EXTL1: variants seen among roughly 807,000 people sequenced by gnomAD.
EXTL1 encodes exostosin like glycosyltransferase 1.
EXTL1 carries 43 observed loss-of-function variants against 64.6 expected under a neutral mutation model. The ratio of observed to expected loss-of-function variants is 0.67; its 90% confidence interval spans 0.52 to 0.86. The LOEUF is 0.86. Among genes scored for constraint, EXTL1 ranks in the 40% least tolerant of loss-of-function variants. EXTL1 has a pLI of 0.00. For missense variants in EXTL1, 766 were observed against 879.0 expected (o/e 0.87, Z 1.62); for synonymous variants, 352 against 360.5 (o/e 0.98, Z 0.27).
Position 26,033,791 on chromosome 1 carries a change from GGGCTACACTGCTGAGAGGACCAACGAA to G in EXTL1, c.1615_1641del (p.Gly539_Glu547del), listed in dbSNP as rs770925424. 30 of 1,614,026 alleles carry G rather than the reference GGGCTACACTGCTGAGAGGACCAACGAA, an allele frequency of 1.9e-5. No homozygotes were observed. Among genetic ancestry groups the G allele is most frequent in the Non-Finnish European group, 2.5e-5 (29 of 1,180,020 alleles). On this transcript the variant is annotated inframe_deletion, in exon 9 of 11. Transcript: ENST00000374280. This position sits in a 1 kb window ranked among gnomAD's most constrained non-coding sequence, Gnocchi z 5.1. ...TCTGGGACGAGGCCCATGGTGGCTG[GGGCTACACTGCTGAGAGGACCAACGAA>G]TTCTCCATGGTTCTCACCACAGCCG... is the stretch of plus-strand genomic sequence containing the variant.
chr1:26,031,117 T>C lies in EXTL1; in HGVS notation c.1102-15T>C, dbSNP rs2124410160. On this transcript the variant is annotated splice_polypyrimidine_tract_variant and intron_variant, in intron 4 of 10. Transcript: ENST00000374280. ...CACAGGCCACTCGCTCTGCTCAGCT[T>C]CTCTCTCATTTTAGGTTATTCAGGA... is the stretch of plus-strand genomic sequence containing the variant. 1 of 1,613,828 alleles carries C rather than the reference T, an allele frequency of 6.2e-7. No homozygotes were observed. The highest frequency in any genetic ancestry group is 8.5e-7 in the Non-Finnish European group (1 of 1,179,890).
chr1:26,034,759 T>G lies in EXTL1; in HGVS notation c.1680-77T>G, dbSNP rs1569678399. 1 of 1,443,080 alleles carries G rather than the reference T, an allele frequency of 6.9e-7. No individual in the cohort carries two copies. Among genetic ancestry groups the G allele is most frequent in the Non-Finnish European group, 9.5e-7 (1 of 1,048,148 alleles). 89.4% of individuals were successfully genotyped at this position (1,443,080 alleles called of 1,614,324 possible). Reference sequence around the variant, plus strand: ...TGGGGATGGGGGTCAAAGGGAGAGGTGAGGTCAGGAGGGAGGAGAATGGGG... The same window carrying G: ...TGGGGATGGGGGTCAAAGGGAGAGGGGAGGTCAGGAGGGAGGAGAATGGGG... On this transcript the variant is annotated intron_variant, in intron 9 of 10. Coordinates refer to ENST00000374280, the MANE Select transcript of EXTL1 (RefSeq NM_004455.3). The surrounding 1 kb of genome is among the most constrained non-coding windows in gnomAD (Gnocchi z 4.6).
In EXTL1 at chr1:26,033,428, C is replaced by T; in HGVS notation, c.1518+113C>T. The T allele has an allele frequency of 1.1e-6, 1 of 935,752 alleles. No homozygotes were observed. Among genetic ancestry groups the T allele is most frequent in the Non-Finnish European group, 1.7e-6 (1 of 588,936 alleles). The allele number at this position is 935,752 out of a possible 1,614,324, so 58.0% of individuals were successfully genotyped here. On this transcript the variant is annotated intron_variant, in intron 8 of 10. Coordinates refer to ENST00000374280, the MANE Select transcript of EXTL1 (RefSeq NM_004455.3). This position sits in a 1 kb window ranked among gnomAD's most constrained non-coding sequence, Gnocchi z 5.1. ...GACCCCAGGTCATGAGGTCCAGCCT[C>T]TTGCATTTGAAACCACCCCAGCAAG...
chr1:26,031,379 C>G, intron 5 of EXTL1, 81 bp from the exon 6 acceptor site: 4 of 1,411,938 alleles, frequency 2.8e-6, no homozygotes, highest in Non-Finnish European at 3.9e-6. Flanking sequence ...TTTTCCTGGC[C>G]CCCGGGGATT....
intron 1 of EXTL1, among the ~76,000 whole-genome samples, chr1:26,024,194 C>T (rs1453478479): frequency 1.3e-5 from 2 of 152,140 alleles, no homozygotes; most frequent in African/African-American, 2.4e-5. Context: ...GGGGGTGATG[C>T]GCCTCAGGTG....
Position 26,033,256 on chromosome 1 carries a change from A to C in EXTL1, c.1459A>C (p.Thr487Pro). Residue 487 changes from threonine to proline, a missense_variant, in exon 8 of 11, where the codon ACC (threonine) becomes CCC (proline). By Grantham distance (38) the Thr-to-Pro change is conservative (BLOSUM62 -1). This residue lies in a region of EXTL1 where 571 missense variants were observed against 647.6 expected (regional missense o/e 0.88). Coordinates refer to ENST00000374280, the MANE Select transcript of EXTL1 (RefSeq NM_004455.3). This position sits in a 1 kb window ranked among gnomAD's most constrained non-coding sequence, Gnocchi z 5.1. The stretch of plus-strand genomic sequence containing the variant: ...TAGTGATCGCTTCTACCCATATAGC[A>C]CCATCAGAACAGATGCCATCCTCAG... Reference protein sequence around the residue: ...KVSDRFYPYSTIRTDAILSLD... With the variant: ...KVSDRFYPYSPIRTDAILSLD... 3 of 1,613,890 alleles carry C rather than the reference A, an allele frequency of 1.9e-6. No individual in the cohort carries two copies.
chr1:26,022,778 AG>A lies in EXTL1; in HGVS notation c.134del (p.Gly45AlafsTer180). The stretch of plus-strand genomic sequence containing the variant: ...CCAGACCTCGGCCCGGGGCTTCCCA[AG>A]GCTGGCCCCGCTGGCTGGATGCAGA... ...PPRPRPGASQ[G>X]WPRWLDAELL... On this transcript the variant is annotated frameshift_variant, in exon 1 of 11. Transcript: ENST00000374280. LOFTEE classifies it high-confidence loss of function. 1.2e-6 allele frequency: 2 copies of A among 1,613,922 alleles called. No homozygotes were observed. The highest frequency in any genetic ancestry group is 1.7e-6 in the Non-Finnish European group (2 of 1,179,942).
intron 2 of EXTL1, 122 bp from the exon 3 acceptor site, chr1:26,029,477 TC>T: frequency 1.4e-6 from 1 of 708,976 alleles, no homozygotes; most frequent in Non-Finnish European, 2.5e-6. Context: ...CCCTGAAAAA[TC>T]CCATGTTCCT....
At position 26,035,444 on chromosome 1, in the gene EXTL1, C is replaced by A; in HGVS notation, c.*97C>A. The A allele has an allele frequency of 8.5e-7, 1 of 1,171,460 alleles. No homozygotes were observed. Among genetic ancestry groups the A allele is most frequent in the Non-Finnish European group, 1.2e-6 (1 of 845,880 alleles). The allele number at this position is 1,171,460 out of a possible 1,614,324, so 72.6% of individuals were successfully genotyped here. A position where few individuals can be genotyped will look rare whatever the true frequency, so the allele number is the denominator to read the frequency against. ...CTCCGCTCTTGGGACACCGGAGAAC[C>A]TATCATGTCAGCCAGCGGGCCCACA... On this transcript the variant is annotated 3_prime_UTR_variant, in exon 11 of 11. Coordinates refer to ENST00000374280, the MANE Select transcript of EXTL1 (RefSeq NM_004455.3). This position sits in a 1 kb window ranked among gnomAD's most constrained non-coding sequence, Gnocchi z 5.3.
chr1:26,034,284 G>A lies in EXTL1; in HGVS notation c.1679+428G>A, dbSNP rs2050316267. Among the ~76,000 whole-genome samples, 1 of 152,148 alleles carries A rather than the reference G, an allele frequency of 6.6e-6. No homozygotes were observed. Among genetic ancestry groups the A allele is most frequent in the African/African-American group, 2.4e-5 (1 of 41,416 alleles). On this transcript the variant is annotated intron_variant, in intron 9 of 10. Coordinates refer to ENST00000374280, the MANE Select transcript of EXTL1 (RefSeq NM_004455.3). This position sits in a 1 kb window ranked among gnomAD's most constrained non-coding sequence, Gnocchi z 4.6. ...GCTGCCTGAAGTGCTCCGGTCTTAG[G>A]GCAGAGACTGAATTCTGTAAGACCT...
In EXTL1 at chr1:26,035,260, G is replaced by C. The variant is rs1002560149; in HGVS notation, c.1944G>C (p.Leu648=). The C allele has an allele frequency of 6.2e-7, 1 of 1,613,684 alleles. No homozygotes were observed. Among genetic ancestry groups the C allele is most frequent in the Non-Finnish European group, 8.5e-7 (1 of 1,179,946 alleles). Residue 648 remains leucine (L), a synonymous_variant, in exon 11 of 11, where the codon CTG becomes CTC. Coordinates refer to ENST00000374280, the MANE Select transcript of EXTL1 (RefSeq NM_004455.3). The surrounding 1 kb of genome is among the most constrained non-coding windows in gnomAD (Gnocchi z 5.3). ...IAAAFGHMPL[L]SSRLRLDPVL... Reference sequence around the variant, plus strand: ...CAGCGTTCGGCCACATGCCCTTGCTGTCCTCTCGTCTGCGTCTGGACCCGG... The same window carrying C: ...CAGCGTTCGGCCACATGCCCTTGCTCTCCTCTCGTCTGCGTCTGGACCCGG...
Position 26,031,271 on chromosome 1 carries a change from C to T in EXTL1, c.1234+7C>T, listed in dbSNP as rs768055984. On this transcript the variant is annotated splice_region_variant and intron_variant, in intron 5 of 10. Coordinates refer to ENST00000374280, the MANE Select transcript of EXTL1 (RefSeq NM_004455.3). ...TTCTACTACCTGCAACAGGGTATGC[C>T]CTGGGGATGGGACAACCTGAAGTCC... The T allele has an allele frequency of 3.1e-6, 5 of 1,612,702 alleles. No homozygotes were observed. The South Asian group carries it at 4.4e-5, about 14-fold the overall frequency.
rs1217242780 is a variant in EXTL1 at position 26,033,183 on chromosome 1, G to A, written c.1432-46G>A. 1 of 1,334,100 alleles carries A rather than the reference G, an allele frequency of 7.5e-7. No individual in the cohort carries two copies. The highest frequency in any genetic ancestry group is 1.4e-5 in the African/African-American group (1 of 69,344). The allele number at this position is 1,334,100 out of a possible 1,614,324, so 82.6% of individuals were successfully genotyped here. A position where few individuals can be genotyped will look rare whatever the true frequency, so the allele number is the denominator to read the frequency against. ...GGCTCCTACTTATTGGATGGGGGTG[G>A]GGGGAATGTTCCAATGGCTGAGTTC... On this transcript the variant is annotated intron_variant, in intron 7 of 10. Transcript: ENST00000374280. The surrounding 1 kb of genome is among the most constrained non-coding windows in gnomAD (Gnocchi z 5.1).
At chr1:26,029,425 C>A in intron 2 of EXTL1, 139 bp downstream of exon 2, 1 of 763,142 alleles carries the variant, frequency 1.3e-6, no homozygotes, top group Non-Finnish European at 2.3e-6. Context: ...TGCCTGTGTC[C>A]CCATTCACTG....
rs1422592891 is a variant in EXTL1, at chr1:26,021,816, T to C, written c.-831T>C. On this transcript the variant is annotated 5_prime_UTR_variant, in exon 1 of 11. Coordinates refer to ENST00000374280, the MANE Select transcript of EXTL1 (RefSeq NM_004455.3). ...GGGATGGGAGGAGATACCATAGGGT[T>C]TGGGGGGCTTGGCACAGCGGCCCTG... 1 of 152,278 alleles carries C rather than the reference T, an allele frequency of 6.6e-6. No homozygotes were observed. The highest frequency in any genetic ancestry group is 1.9e-4 in the East Asian group (1 of 5,178). 9.4% of individuals were successfully genotyped at this position (152,278 alleles called of 1,614,324 possible). A position where few individuals can be genotyped will look rare whatever the true frequency, so the allele number is the denominator to read the frequency against.
chr1:26,029,281 C>A lies in EXTL1; in HGVS notation c.868C>A (p.Leu290Met), dbSNP rs774564275. 1.2e-6 allele frequency: 2 copies of A among 1,613,314 alleles called. No homozygotes were observed. The highest frequency in any genetic ancestry group is 1.7e-6 in the Non-Finnish European group (2 of 1,179,470). The change falls in exon 2 of 11, where the codon CTG becomes ATG. Residue 290 changes from leucine (L) to methionine (M), a missense_variant. Around this residue, in one of 3 missense-constraint regions of EXTL1, gnomAD observed 571 missense variants for 647.6 expected, o/e 0.88. Coordinates refer to ENST00000374280, the MANE Select transcript of EXTL1 (RefSeq NM_004455.3). ...PEAASRFLQA[L>M]QAGCIPVLLS... ...GGCTGCCTCGCGCTTCCTCCAAGCC[C>A]TGCAGGTACAACCCCAATTTGAGCA...
Position 26,035,180 on chromosome 1 carries a change from G to A in EXTL1, c.1864G>A (p.Gly622Arg). The A allele has an allele frequency of 6.2e-7, 1 of 1,603,320 alleles. No homozygotes were observed. The highest frequency in any genetic ancestry group is 1.1e-5 in the South Asian group (1 of 90,868). Residue 622 changes from glycine to arginine, a missense_variant, in exon 11 of 11, where the codon GGG becomes AGG. By Grantham distance (125) the Gly-to-Arg change is moderately radical (BLOSUM62 -2). Around this residue, in one of 3 missense-constraint regions of EXTL1, gnomAD observed 194 missense variants for 214.5 expected, o/e 0.90. Transcript: ENST00000374280. The surrounding 1 kb of genome is among the most constrained non-coding windows in gnomAD (Gnocchi z 5.3). ...TCCCTCTTAGGCGCCTGGGGGCCCG[G>A]GGCCCAGGCCAAAGCCGCCTGCCCC... Reference protein sequence around the residue: ...EAAPLAPGGPGPRPKPPAPAP... With the variant: ...EAAPLAPGGPRPRPKPPAPAP...
chr1:26,030,690 C>CT, intron 4 of EXTL1, 95 bp downstream of exon 4: 1 of 1,359,728 alleles, frequency 7.4e-7, no homozygotes, highest in Non-Finnish European at 9.9e-7. Flanking sequence ...TTGGGGAACC[C>CT]CCCCCCCTTC....
chr1:26,022,727 C>A lies in EXTL1; in HGVS notation c.81C>A (p.Phe27Leu). ...TCCTGCTTGTCCTGCTGGGAGGCTT[C>A]TCCCTTCTCCGCCTGGCATTGCCTC... ...SWLLLVLLGG[F>L]SLLRLALPPR... Residue 27 changes from phenylalanine to leucine, a missense_variant, in exon 1 of 11, where the codon TTC (phenylalanine) becomes TTA (leucine). This residue lies in a region of EXTL1 where 571 missense variants were observed against 647.6 expected (regional missense o/e 0.88). Coordinates refer to ENST00000374280, the MANE Select transcript of EXTL1 (RefSeq NM_004455.3). 2 of 1,613,992 alleles carry A rather than the reference C, an allele frequency of 1.2e-6. No homozygotes were observed. Among genetic ancestry groups the A allele is most frequent in the South Asian group, 2.2e-5 (2 of 91,056 alleles).
Sources: gnomAD v4.1 joint callset for allele counts (sites outside exome capture counted in the v4.1 genomes callset) on GRCh38, gnomAD v4.1.1 for gene constraint, gnomAD v4.1.1 regional missense constraint, Gnocchi (gnomAD v3.1) non-coding constraint, MANE v1.5 for transcripts, NCBI Gene and HGNC (gene_info 2026-07-23, HGNC 2026-07-21) for gene names.